SCN9A: variants seen among roughly 807,000 people sequenced by gnomAD.
SCN9A encodes sodium channel protein type 9 subunit alpha.
SCN9A carries 131 observed loss-of-function variants against 187.0 expected under a neutral mutation model. The observed-to-expected ratio is 0.70, with a 90% CI of 0.61 to 0.81. The LOEUF is 0.81. Among genes scored for constraint, SCN9A ranks in the 30% least tolerant of loss-of-function variants. The probability of loss-of-function intolerance (pLI) is 0.00; values close to 1 mark genes in which losing one functional copy is unlikely to be tolerated. For missense variants in SCN9A, 2,252 were observed against 2,396.6 expected, an observed-to-expected ratio of 0.94 and a Z score of 1.26; for synonymous variants, 809 against 808.6, an observed-to-expected ratio of 1.00 and a Z score of -0.01.
At chr2:166,371,876 A>G (rs1424628718) in intron 1 of SCN9A, among the ~76,000 whole-genome samples, 1 of 152,234 alleles carries the variant, frequency 6.6e-6, no homozygotes, top group Non-Finnish European at 1.5e-5. Context: ...GAAATAATTT[A>G]GTCCTTCAAG....
At chr2:166,306,738 A>C (rs149507189) in intron 3 of SCN9A, 139 bp from the exon 4 acceptor site, 617 of 710,954 alleles carry the variant, frequency 8.7e-4, no homozygotes, top group Non-Finnish European at 1.3e-3. Context: ...TCTTTGAACA[A>C]GAGAGTAATA....
At chr2:166,239,851 G>A (rs1371615573) in intron 19 of SCN9A, among the ~76,000 whole-genome samples, 1 of 152,182 alleles carries the variant, frequency 6.6e-6, no homozygotes, top group Non-Finnish European at 1.5e-5. Flanking sequence ...TCCCAGAGCA[G>A]GAATTAGAAT....
At chr2:166,333,493 G>T (rs1215614970) in intron 1 of SCN9A, among the ~76,000 whole-genome samples, 1 of 151,988 alleles carries the variant, frequency 6.6e-6, no homozygotes, top group Non-Finnish European at 1.5e-5. Context: ...AGAACATCGT[G>T]AAGTCCAGCT....
At chr2:166,252,053 A>C (rs749508668) in intron 17 of SCN9A, 168 bp from the exon 18 acceptor site, 30 of 652,442 alleles carry the variant, frequency 4.6e-5, no homozygotes, top group Non-Finnish European at 7.8e-5. Context: ...AGTAACCTTA[A>C]ATGTATCTAT....
At chr2:166,373,087 A>T (rs1700601967) in intron 1 of SCN9A, among the ~76,000 whole-genome samples, 1 of 152,224 alleles carries the variant, frequency 6.6e-6, no homozygotes, top group Non-Finnish European at 1.5e-5. Context: ...GAGTTCAGGC[A>T]TTGGGAACAG....
At chr2:166,232,818 A>G (rs1695144358) in intron 21 of SCN9A, among the ~76,000 whole-genome samples, 1 of 148,120 alleles carries the variant, frequency 6.8e-6, no homozygotes, top group African/African-American at 2.5e-5. Context: ...TATATACTAT[A>G]CTATATATGC....
At chr2:166,324,129 G>A (rs535055981) in intron 1 of SCN9A, among the ~76,000 whole-genome samples, 36 of 151,278 alleles carry the variant, frequency 2.4e-4, no homozygotes, top group South Asian at 8.4e-4. Context: ...ATCTTATTTC[G>A]ATAAAATTAC....
intron 1 of SCN9A, among the ~76,000 whole-genome samples, chr2:166,340,572 TTCTTTCTTTCTTTCTTTCTTTC>T (rs1699751451): frequency 9.1e-6 from 1 of 109,658 alleles, no homozygotes. Flanking sequence ...CTTTCTTTCT[TTCTTTCTTTCTTTCTTTCTTTC>T]TTTCTTTCTT....
intron 1 of SCN9A, among the ~76,000 whole-genome samples, chr2:166,314,905 C>A (rs1182727336): frequency 6.6e-6 from 1 of 152,094 alleles, no homozygotes; most frequent in Non-Finnish European, 1.5e-5. Context: ...TTGTTGCATA[C>A]CTTTGTGAAC....
intron 1 of SCN9A, among the ~76,000 whole-genome samples, chr2:166,330,510 C>T (rs912841057): frequency 6.6e-6 from 1 of 152,158 alleles, no homozygotes; most frequent in African/African-American, 2.4e-5. Context: ...CTAACTACTG[C>T]ATAATATTCC....
chr2:166,315,729 C>G (rs1047649854), intron 1 of SCN9A, among the ~76,000 whole-genome samples: 3 of 152,152 alleles, frequency 2.0e-5, no homozygotes, highest in Non-Finnish European at 4.4e-5. Flanking sequence ...GATAGGCTGA[C>G]AGGGTTACAG....
intron 9 of SCN9A, among the ~76,000 whole-genome samples, chr2:166,292,594 T>C (rs1213755993): frequency 6.6e-6 from 1 of 152,168 alleles, no homozygotes; most frequent in Non-Finnish European, 1.5e-5. Flanking sequence ...AGAATAATCA[T>C]TTTGGTCTCC....
chr2:166,316,642 C>A (rs536570765), intron 1 of SCN9A, among the ~76,000 whole-genome samples: 20 of 152,318 alleles, frequency 1.3e-4, no homozygotes, highest in African/African-American at 4.8e-4. Flanking sequence ...TGCAGTGAGC[C>A]AAGATCGTGC....
At position 166,311,612 on chromosome 2, in the gene SCN9A, G is replaced by A. The variant is rs778143440; in HGVS notation, c.145C>T (p.Pro49Ser). ...KKDDDEEAPK[P>S]SSDLEAGKQL... ...TTGCCAGCTTCCAAGTCACTGCTTG[G>A]CTTTGGGGCTTCTTCATCATCATCT... Residue 49 changes from proline to serine, a missense_variant, in exon 2 of 27, where the codon CCA (proline) becomes TCA (serine). By Grantham distance (74) the Pro-to-Ser change is moderately conservative (BLOSUM62 -1). This residue lies in a region of SCN9A where 1,013 missense variants were observed against 997.4 expected (regional missense o/e 1.02). Transcript: ENST00000642356. 1 of 1,613,102 alleles carries A rather than the reference G, an allele frequency of 6.2e-7. No individual in the cohort carries two copies. Among genetic ancestry groups the A allele is most frequent in the South Asian group, 1.1e-5 (1 of 91,030 alleles).
At position 166,198,374 on chromosome 2, in the gene SCN9A, A is replaced by G; in HGVS notation, c.*298T>C. 1 of 259,164 alleles carries G rather than the reference A, an allele frequency of 3.9e-6. No homozygotes were observed. The highest frequency in any genetic ancestry group is 7.3e-6 in the Non-Finnish European group (1 of 136,466). The allele number at this position is 259,164 out of a possible 1,614,324, so 16.1% of individuals were successfully genotyped here. On this transcript the variant is annotated 3_prime_UTR_variant, in exon 27 of 27. Coordinates refer to ENST00000642356, the MANE Select transcript of SCN9A (RefSeq NM_001365536.1). ...ATCCTGTGAAAAGATGACAAGGCAG[A>G]TGTAAAAGTTTTCTACATGGTCTTC...
At position 166,305,778 on chromosome 2, in the gene SCN9A, C is replaced by T; in HGVS notation, c.596+14G>A. The T allele has an allele frequency of 1.2e-6, 2 of 1,613,146 alleles. No individual in the cohort carries two copies. Among genetic ancestry groups the T allele is most frequent in the East Asian group, 4.5e-5 (2 of 44,842 alleles). On this transcript the variant is annotated intron_variant, in intron 5 of 26. Coordinates refer to ENST00000642356, the MANE Select transcript of SCN9A (RefSeq NM_001365536.1). ...TTCATAAATTTGCCGTTTCAAAAAGCTGAAAGTACTTACGCAAAAACAATG... is the reference window on the plus strand; with the variant it reads ...TTCATAAATTTGCCGTTTCAAAAAGTTGAAAGTACTTACGCAAAAACAATG...
At chr2:166,312,322 C>G (rs1574914358) in intron 1 of SCN9A, among the ~76,000 whole-genome samples, 4 of 152,162 alleles carry the variant, frequency 2.6e-5, no homozygotes, top group African/African-American at 9.6e-5. Context: ...GAAGCAACTC[C>G]TCATCCATTC....
Position 166,303,938 on chromosome 2 carries a change from T to A in SCN9A, c.688+300A>T. 2.4e-6 allele frequency: 3 copies of A among 1,252,236 alleles called. No homozygotes were observed. The South Asian group carries it at 3.9e-5, about 16-fold the overall frequency. 77.6% of individuals were successfully genotyped at this position (1,252,236 alleles called of 1,614,324 possible). A position where few individuals can be genotyped will look rare whatever the true frequency, so the allele number is the denominator to read the frequency against. ...TAATGATTGTGGAAAACAGAAGAAA[T>A]CAAATTTAATTAAAATTGCATAAAG... is the stretch of plus-strand genomic sequence containing the variant. On this transcript the variant is annotated intron_variant, in intron 6 of 26. Transcript: ENST00000642356.
chr2:166,313,165 T>G (rs7584766), intron 1 of SCN9A, among the ~76,000 whole-genome samples: 95,388 of 149,864 alleles, frequency 0.64, 31,030 homozygotes, highest in African/African-American at 0.75. Context: ...ATTATTAATA[T>G]TCTGAATAAT....
Sources: allele counts gnomAD v4.1 joint callset (sites outside exome capture counted in the v4.1 genomes callset), GRCh38; gene constraint gnomAD v4.1.1; regional missense constraint gnomAD v4.1.1; transcripts MANE v1.5; gene names NCBI Gene and HGNC (gene_info 2026-07-23, HGNC 2026-07-21).